KRABD2: variants seen among roughly 807,000 people sequenced by gnomAD.
The protein encoded by KRABD2 is KRAB domain-containing protein 2.
chr17:8,369,150 C>A, the KRABD2 span: 1 of 1,613,098 alleles, frequency 6.2e-7, no homozygotes, highest in Non-Finnish European at 8.5e-7. Flanking sequence ...GCAGAGGAGA[C>A]CGGAAGTCCC....
At chr17:8,360,317 G>GA in the KRABD2 span, among the ~76,000 whole-genome samples, 1 of 151,638 alleles carries the variant, frequency 6.6e-6, no homozygotes, top group Non-Finnish European at 1.5e-5. Flanking sequence ...TAATAATGAA[G>GA]AAAAGTAAAC....
At chr17:8,374,270 T>G in the KRABD2 span, among the ~76,000 whole-genome samples, 2 of 152,360 alleles carry the variant, frequency 1.3e-5, no homozygotes, top group African/African-American at 4.8e-5. Context: ...CTCCATTTTG[T>G]TCTATACTAA....
At chr17:8,366,108 G>A in the KRABD2 span, among the ~76,000 whole-genome samples, 5 of 149,206 alleles carry the variant, frequency 3.4e-5, no homozygotes, top group African/African-American at 1.0e-4. Flanking sequence ...CAGCCCGGGC[G>A]ACAGTGCGAG....
the KRABD2 span, among the ~76,000 whole-genome samples, chr17:8,373,247 G>A: frequency 6.6e-6 from 1 of 152,064 alleles, no homozygotes; most frequent in South Asian, 2.1e-4. Context: ...CTGTACTGCC[G>A]CCATCTCGGC....
At chr17:8,370,349 A>C in the KRABD2 span, 2 of 1,599,334 alleles carry the variant, frequency 1.3e-6, no homozygotes, top group Non-Finnish European at 1.7e-6. Flanking sequence ...GATCATTTCC[A>C]GCTCTCTGAG....
chr17:8,370,119 A>G, the KRABD2 span: 1 of 1,614,046 alleles, frequency 6.2e-7, no homozygotes, highest in South Asian at 1.1e-5. Flanking sequence ...CTGTACAGAG[A>G]TCACATCATA....
chr17:8,366,459 T>C, the KRABD2 span, among the ~76,000 whole-genome samples: 200 of 152,356 alleles, frequency 1.3e-3, 2 homozygotes, highest in Non-Finnish European at 2.6e-3. Context: ...TGCACTGAAC[T>C]GTGCCAGGAA....
chr17:8,359,469 T>C, the KRABD2 span: 2 of 402,982 alleles, frequency 5.0e-6, no homozygotes, highest in Non-Finnish European at 9.8e-6. Flanking sequence ...TCTGTGCCTA[T>C]TTTTCTGCAT....
At chr17:8,364,809 G>A in the KRABD2 span, among the ~76,000 whole-genome samples, 1 of 152,114 alleles carries the variant, frequency 6.6e-6, no homozygotes, top group Non-Finnish European at 1.5e-5. This position sits in a 1 kb window ranked among gnomAD's most constrained non-coding sequence, Gnocchi z 4.4. Flanking sequence ...CAAGGTGGGT[G>A]GATCACCTGA....
the KRABD2 span, among the ~76,000 whole-genome samples, chr17:8,374,937 C>CAAAAA: frequency 2.0e-3 from 91 of 46,178 alleles, 16 homozygotes; most frequent in South Asian, 4.7e-3. Flanking sequence ...GACTCTGTCA[C>CAAAAA]AAAAAAAAAA....
chr17:8,366,115 C>T, the KRABD2 span, among the ~76,000 whole-genome samples: 1 of 144,452 alleles, frequency 6.9e-6, no homozygotes, highest in Non-Finnish European at 1.5e-5. Flanking sequence ...GGCGACAGTG[C>T]GAGACTCCAT....
At chr17:8,366,110 C>A in the KRABD2 span, among the ~76,000 whole-genome samples, 41 of 148,870 alleles carry the variant, frequency 2.8e-4, no homozygotes, top group African/African-American at 9.5e-4. Flanking sequence ...GCCCGGGCGA[C>A]AGTGCGAGAC....
At chr17:8,369,231 C>T in the KRABD2 span, 2 of 1,614,206 alleles carry the variant, frequency 1.2e-6, no homozygotes, top group Non-Finnish European at 8.5e-7. Context: ...TCTGTCTGCT[C>T]CAATCTCAGC....
At chr17:8,369,991 C>T in the KRABD2 span, 2 of 1,614,196 alleles carry the variant, frequency 1.2e-6, no homozygotes, top group Admixed American at 3.3e-5. Context: ...CGTGTCCGCC[C>T]ACCATGTCCA....
chr17:8,376,254 C>CG, the KRABD2 span: 53 of 1,229,612 alleles, frequency 4.3e-5, no homozygotes, highest in Non-Finnish European at 5.2e-5. Flanking sequence ...AGCAGCGGTA[C>CG]GGCCGAGTCT....
the KRABD2 span, among the ~76,000 whole-genome samples, chr17:8,370,923 C>A: frequency 5.3e-5 from 8 of 152,152 alleles, no homozygotes; most frequent in Non-Finnish European, 1.2e-4. Flanking sequence ...AATCCCAGCA[C>A]TTTGGGAGGG....
At chr17:8,368,454 C>A in the KRABD2 span, among the ~76,000 whole-genome samples, 1 of 152,090 alleles carries the variant, frequency 6.6e-6, no homozygotes, top group Non-Finnish European at 1.5e-5. Flanking sequence ...ACTGGACTTA[C>A]ACTGTCACAA....
chr17:8,371,404 T>C, the KRABD2 span: 1 of 1,614,092 alleles, frequency 6.2e-7, no homozygotes, highest in Non-Finnish European at 8.5e-7. Context: ...GGTCATATTT[T>C]CAAATGCTGT....
At chr17:8,376,292 TATC>T in the KRABD2 span, 4 of 1,227,396 alleles carry the variant, frequency 3.3e-6, no homozygotes, top group Non-Finnish European at 4.1e-6. Flanking sequence ...TGCTGACTCT[TATC>T]ATTTACTGAC....
Sources: allele counts gnomAD v4.1 joint callset (sites outside exome capture counted in the v4.1 genomes callset), GRCh38; gene constraint gnomAD v4.1.1; non-coding constraint Gnocchi (gnomAD v3.1); transcripts MANE v1.5; gene names NCBI Gene and HGNC (gene_info 2026-07-23, HGNC 2026-07-21).